Variants in KIAA1217 observed in about 807,000 individuals in gnomAD.
The protein encoded by KIAA1217 is sickle tail protein homolog.
A neutral mutation model predicts 163.9 loss-of-function variants in KIAA1217; 88 were observed. The ratio of observed to expected loss-of-function variants is 0.54; its 90% CI spans 0.45 to 0.64. The LOEUF (loss-of-function observed/expected upper bound fraction) is 0.64, where lower values mean the gene tolerates loss of function less well. Ranked by LOEUF, KIAA1217 falls within the 30% of genes least tolerant of loss-of-function variation. The pLI is 0.00. For missense variants in KIAA1217, 2,372 were observed against 2,475.0 expected (o/e 0.96, Z 0.88); for synonymous variants, 903 against 923.1 (o/e 0.98, Z 0.39).
chr10:24,516,061 A>T (rs1217861419), intron 10 of KIAA1217, among the ~76,000 whole-genome samples: 2 of 152,198 alleles, frequency 1.3e-5, no homozygotes, highest in Admixed American at 6.5e-5. Flanking sequence ...TCAGAGCAAG[A>T]CTCAATCTCT....
In KIAA1217 at chr10:23,778,746, T is replaced by A. The variant is rs193267070; in HGVS notation, c.-321+83512T>A. Among the ~76,000 whole-genome samples the A allele has an allele frequency of 2.6e-3, 395 of 152,350 alleles. 1 individual carries two copies. The highest frequency in any genetic ancestry group is 9.0e-3 in the African/African-American group (374 of 41,584). ...CACTAGAGATAGCAATGTGTCTTCC[T>A]GCAAGTCTGACATAAAGTAGGCTGG... On this transcript the variant is annotated intron_variant, in intron 1 of 18. Coordinates refer to the KIAA1217 transcript ENST00000376462.
chr10:24,360,040 C>CA lies in KIAA1217; in HGVS notation c.355-20829_355-20828insA, dbSNP rs55881849. 3.6e-4 allele frequency among the ~76,000 whole-genome samples: 34 copies of CA among 94,288 alleles called. 1 individual carries two copies. Among genetic ancestry groups the CA allele is most frequent in the Middle Eastern group, 0.011 (1 of 90 alleles). The allele number at this position is 94,288 out of a possible 152,430, so 61.9% of individuals were successfully genotyped here. On this transcript the variant is annotated intron_variant, in intron 2 of 20. Coordinates refer to ENST00000376454, the MANE Select transcript of KIAA1217 (RefSeq NM_019590.5). Reference sequence around the variant, plus strand: ...ACTGTGTATCTTTAGGATATAATTACTTTTTTTTTTTTTTTTTTTTTTTTG... The same window carrying CA: ...ACTGTGTATCTTTAGGATATAATTACATTTTTTTTTTTTTTTTTTTTTTTTG...
chr10:24,278,156 CTG>C (rs2077515936), intron 2 of KIAA1217, among the ~76,000 whole-genome samples: 1 of 152,182 alleles, frequency 6.6e-6, no homozygotes, highest in South Asian at 2.1e-4. Context: ...GGCCAAAACA[CTG>C]TGGAGAAGCA....
intron 1 of KIAA1217, among the ~76,000 whole-genome samples, chr10:23,842,900 T>C (rs1838854258): frequency 1.3e-5 from 2 of 152,066 alleles, no homozygotes; most frequent in African/African-American, 4.8e-5. Flanking sequence ...ATGAAAGGAA[T>C]TAAGTTGTAG....
chr10:24,512,843 G>A (rs1055133760), intron 9 of KIAA1217, among the ~76,000 whole-genome samples: 1 of 152,196 alleles, frequency 6.6e-6, no homozygotes, highest in Non-Finnish European at 1.5e-5. Flanking sequence ...TTAGAGGTAA[G>A]GAAATGAAGA....
intron 2 of KIAA1217, among the ~76,000 whole-genome samples, chr10:24,040,681 C>T (rs918686109): frequency 1.3e-5 from 2 of 152,118 alleles, no homozygotes; most frequent in Non-Finnish European, 2.9e-5. Context: ...ACATTTTTTC[C>T]TCCCAGTTTA....
chr10:24,480,292 G>C, intron 6 of KIAA1217, among the ~76,000 whole-genome samples: 1 of 152,310 alleles, frequency 6.6e-6, no homozygotes, highest in South Asian at 2.1e-4. Flanking sequence ...TGTGACATTC[G>C]TAAGGCAAGG....
chr10:23,854,428 T>C (rs1839533459), intron 1 of KIAA1217, among the ~76,000 whole-genome samples: 1 of 152,172 alleles, frequency 6.6e-6, no homozygotes, highest in Non-Finnish European at 1.5e-5. Flanking sequence ...AGTGCTTTAC[T>C]TCCAACTATG....
chr10:24,062,717 G>A (rs1396293850), intron 2 of KIAA1217, among the ~76,000 whole-genome samples: 1 of 151,994 alleles, frequency 6.6e-6, no homozygotes, highest in Non-Finnish European at 1.5e-5. Flanking sequence ...TCGCCACACT[G>A]ACTTCCACAA....
At chr10:24,190,059 C>A (rs1022578739) in intron 2 of KIAA1217, among the ~76,000 whole-genome samples, 3 of 149,930 alleles carry the variant, frequency 2.0e-5, no homozygotes, top group Non-Finnish European at 4.4e-5. Flanking sequence ...ATTGGACATA[C>A]AAAGGGTATG....
intron 3 of KIAA1217, among the ~76,000 whole-genome samples, chr10:24,407,876 C>CA (rs1398000081): frequency 6.6e-6 from 1 of 151,670 alleles, no homozygotes; most frequent in Non-Finnish European, 1.5e-5. Context: ...GTGTTCTTAA[C>CA]AAAAAAATAA....
chr10:24,040,800 C>A (rs1848597183), intron 2 of KIAA1217, among the ~76,000 whole-genome samples: 1 of 152,194 alleles, frequency 6.6e-6, no homozygotes, highest in Non-Finnish European at 1.5e-5. Flanking sequence ...TGTTAGGAAT[C>A]ATTAAAACTG....
chr10:23,728,855 T>A (rs1176104900), intron 1 of KIAA1217, among the ~76,000 whole-genome samples: 2 of 152,194 alleles, frequency 1.3e-5, no homozygotes, highest in African/African-American at 4.8e-5. Flanking sequence ...TCTGCAGTCA[T>A]CAATATCCCA....
intron 2 of KIAA1217, among the ~76,000 whole-genome samples, chr10:24,307,053 A>G (rs1011586569): frequency 6.6e-6 from 1 of 152,204 alleles, no homozygotes; most frequent in African/African-American, 2.4e-5. Context: ...AGCAGCTTTC[A>G]CGTCAGTATT....
In KIAA1217 at chr10:23,730,660, T is replaced by A. The variant is rs540894362; in HGVS notation, c.-321+35426T>A. On this transcript the variant is annotated intron_variant, in intron 1 of 18. Coordinates refer to the KIAA1217 transcript ENST00000376462. Reference sequence around the variant, plus strand: ...TTTTTCCATTTTGTAGTGTCTTTATTTTATTCATCATAATTTTGTAGTTTT... The same window carrying A: ...TTTTTCCATTTTGTAGTGTCTTTATATTATTCATCATAATTTTGTAGTTTT... 2.4e-4 allele frequency among the ~76,000 whole-genome samples: 37 copies of A among 152,340 alleles called. No homozygotes were observed. The South Asian group carries it at 3.9e-3, about 16-fold the overall frequency.
At chr10:24,399,723 T>A (rs1564614438) in intron 3 of KIAA1217, among the ~76,000 whole-genome samples, 1 of 152,130 alleles carries the variant, frequency 6.6e-6, no homozygotes, top group Non-Finnish European at 1.5e-5. Context: ...GTCCAAAAAA[T>A]ACAGAAATTA....
intron 1 of KIAA1217, among the ~76,000 whole-genome samples, chr10:23,815,420 G>A (rs1182263245): frequency 2.0e-5 from 3 of 152,132 alleles, no homozygotes; most frequent in East Asian, 1.9e-4. Flanking sequence ...CGAGGTGGGC[G>A]GATCACAAAG....
chr10:23,836,347 A>G (rs1384724880), intron 1 of KIAA1217, among the ~76,000 whole-genome samples: 1 of 152,116 alleles, frequency 6.6e-6, no homozygotes, highest in Non-Finnish European at 1.5e-5. Flanking sequence ...CCCTACTCCA[A>G]TATGACTGAT....
At chr10:24,398,635 C>A (rs984791709) in intron 3 of KIAA1217, among the ~76,000 whole-genome samples, 1 of 151,996 alleles carries the variant, frequency 6.6e-6, no homozygotes, top group African/African-American at 2.4e-5. Context: ...TTTTATATAT[C>A]GACATATTTC....
Sources: gnomAD v4.1 joint callset for allele counts (sites outside exome capture counted in the v4.1 genomes callset) on GRCh38, gnomAD v4.1.1 for gene constraint, MANE v1.5 for transcripts, NCBI Gene and HGNC (gene_info 2026-07-23, HGNC 2026-07-21) for gene names.